Variants in FLYWCH2 observed in about 807,000 individuals in gnomAD.
FLYWCH2 encodes the protein FLYWCH family member 2.
FLYWCH2 carries 2 observed loss-of-function variants against 6.0 expected under a neutral mutation model. The observed-to-expected ratio is 0.33, with a 90% CI of 0.14 to 1.04. The LOEUF is 1.04. Among genes scored for constraint, FLYWCH2 ranks in the 50% least tolerant of loss-of-function variants. FLYWCH2 has a pLI of 0.45. For synonymous variants in FLYWCH2, 87 were observed against 79.3 expected (o/e 1.10, Z -0.52); for missense variants, 192 against 183.4 (o/e 1.05, Z -0.27).
Position 2,886,427 on chromosome 16 carries a change from C to T in FLYWCH2, c.-200+3061C>T, listed in dbSNP as rs542956768. On this transcript the variant is annotated intron_variant, in intron 1 of 3. Coordinates refer to ENST00000396958, the MANE Select transcript of FLYWCH2 (RefSeq NM_138439.3). ...TTCACTATGTTGTCTAGGCTGATCT[C>T]GAACTCCTGACCTCAGGTGATCCTC... Among the ~76,000 whole-genome samples the T allele has an allele frequency of 1.1e-4, 17 of 150,022 alleles. No homozygotes were observed. The East Asian group carries it at 1.7e-3, about 15-fold the overall frequency.
chr16:2,899,268 CT>C lies in FLYWCH2; in HGVS notation c.*136del, dbSNP rs76446842. On this transcript the variant is annotated 3_prime_UTR_variant, in exon 4 of 4. Coordinates refer to ENST00000396958, the MANE Select transcript of FLYWCH2 (RefSeq NM_138439.3). ...CTTTTAACATTGTGTGATTTCTTTT[CT>C]TTTTTTTTTTTTTTTTAGATCAAGT... The C allele has an allele frequency of 0.11, 44,284 of 416,064 alleles. 1 individual carries two copies. The highest frequency in any genetic ancestry group is 0.2 in the South Asian group (4,786 of 24,082). The allele number at this position is 416,064 out of a possible 1,614,324, so 25.8% of individuals were successfully genotyped here.
Position 2,896,594 on chromosome 16 carries a change from A to G in FLYWCH2, c.145A>G (p.Lys49Glu), listed in dbSNP as rs1408180666. The change falls in exon 3 of 4, where the codon AAA (lysine) becomes GAA (glutamate). Residue 49 changes from lysine (K) to glutamate (E), a missense_variant. Lys to Glu is a moderately conservative substitution (Grantham distance 56). Coordinates refer to ENST00000396958, the MANE Select transcript of FLYWCH2 (RefSeq NM_138439.3). The stretch of plus-strand genomic sequence containing the variant: ...CAAACTGGTCCTGCTCACAGCCTCC[A>G]AAGACAGCACCAAGGTGGCGGGGGC... ...FSKLVLLTASKDSTKVAGAKR... is the reference protein window; with the variant it reads ...FSKLVLLTASEDSTKVAGAKR... 6.2e-7 allele frequency: 1 copy of G among 1,614,016 alleles called. No homozygotes were observed. The highest frequency in any genetic ancestry group is 1.7e-5 in the Admixed American group (1 of 60,006).
intron 1 of FLYWCH2, among the ~76,000 whole-genome samples, chr16:2,886,935 C>T (rs2069705358): frequency 6.6e-6 from 1 of 151,984 alleles, no homozygotes; most frequent in African/African-American, 2.4e-5. Flanking sequence ...CATTTTTTCC[C>T]ATTCTATGGG....
chr16:2,899,269 T>TTC lies in FLYWCH2; in HGVS notation c.*121_*122insCT, dbSNP rs34090411. On this transcript the variant is annotated 3_prime_UTR_variant, in exon 4 of 4. Coordinates refer to ENST00000396958, the MANE Select transcript of FLYWCH2 (RefSeq NM_138439.3). ...TTTTAACATTGTGTGATTTCTTTTC[T>TTC]TTTTTTTTTTTTTTTTAGATCAAGT... 2.2e-5 allele frequency: 2 copies of TTC among 91,166 alleles called. No homozygotes were observed. The highest frequency in any genetic ancestry group is 3.7e-5 in the Non-Finnish European group (2 of 53,784). 5.6% of individuals were successfully genotyped at this position (91,166 alleles called of 1,614,324 possible).
At chr16:2,889,752 C>A (rs904935259) in intron 1 of FLYWCH2, among the ~76,000 whole-genome samples, 1 of 152,076 alleles carries the variant, frequency 6.6e-6, no homozygotes, top group Non-Finnish European at 1.5e-5. Flanking sequence ...CCCCCAGCTT[C>A]CCCTCATGTT....
Position 2,899,250 on chromosome 16 carries a change from C to A in FLYWCH2, c.*101C>A. ...CAAATGGGTGAATCTTTGCTTTTAA[C>A]ATTGTGTGATTTCTTTTCTTTTTTT... On this transcript the variant is annotated 3_prime_UTR_variant, in exon 4 of 4. Coordinates refer to ENST00000396958, the MANE Select transcript of FLYWCH2 (RefSeq NM_138439.3). 23 of 548,438 alleles carry A rather than the reference C, an allele frequency of 4.2e-5. No homozygotes were observed. Among genetic ancestry groups the A allele is most frequent in the Non-Finnish European group, 6.7e-5 (22 of 326,430 alleles). The allele number at this position is 548,438 out of a possible 1,614,324, so 34.0% of individuals were successfully genotyped here.
chr16:2,886,403 T>C (rs1158698780), intron 1 of FLYWCH2, among the ~76,000 whole-genome samples: 1 of 150,788 alleles, frequency 6.6e-6, no homozygotes. Flanking sequence ...AGACAGGGTT[T>C]CACTATGTTG....
intron 1 of FLYWCH2, among the ~76,000 whole-genome samples, chr16:2,884,100 C>T (rs2069670364): frequency 1.3e-5 from 2 of 152,162 alleles, no homozygotes; most frequent in Admixed American, 1.3e-4. Flanking sequence ...CTGCGTGGAG[C>T]AGTAATTATT....
chr16:2,891,656 T>TG (rs2150846962), intron 1 of FLYWCH2, among the ~76,000 whole-genome samples: 1 of 152,070 alleles, frequency 6.6e-6, no homozygotes, highest in East Asian at 2.0e-4. Context: ...CCACCCGCCT[T>TG]GCCTCCCAAA....
chr16:2,892,389 G>A (rs984815640), intron 1 of FLYWCH2, among the ~76,000 whole-genome samples: 7 of 152,052 alleles, frequency 4.6e-5, no homozygotes, highest in Admixed American at 1.3e-4. Flanking sequence ...CCAGCTACTT[G>A]TGAGTCTGAG....
intron 1 of FLYWCH2, among the ~76,000 whole-genome samples, chr16:2,894,428 G>A (rs1424500226): frequency 6.6e-6 from 1 of 152,162 alleles, no homozygotes; most frequent in Admixed American, 6.5e-5. Context: ...GAGATCGGCC[G>A]CCAGAGGGAC....
At chr16:2,893,239 C>G (rs114406003) in intron 1 of FLYWCH2, among the ~76,000 whole-genome samples, 3,075 of 152,202 alleles carry the variant, frequency 0.02, 105 homozygotes, top group African/African-American at 0.069. Flanking sequence ...AGGCCCTCTC[C>G]CTTTCCTGGA....
chr16:2,890,032 G>A (rs1217554488), intron 1 of FLYWCH2, among the ~76,000 whole-genome samples: 1 of 152,062 alleles, frequency 6.6e-6, no homozygotes, highest in Non-Finnish European at 1.5e-5. Flanking sequence ...GTTACAGTGA[G>A]CCATGGTTGT....
At chr16:2,885,585 G>A (rs1386504021) in intron 1 of FLYWCH2, among the ~76,000 whole-genome samples, 1 of 152,122 alleles carries the variant, frequency 6.6e-6, no homozygotes, top group Non-Finnish European at 1.5e-5. Flanking sequence ...TATAATATGT[G>A]GTCTTTTGGG....
chr16:2,884,577 A>AAAAAAAAAAAAAC (rs56399101), intron 1 of FLYWCH2, among the ~76,000 whole-genome samples: 1 of 140,254 alleles, frequency 7.1e-6, no homozygotes, highest in Non-Finnish European at 1.6e-5. Context: ...AAAAAAAAAA[A>AAAAAAAAAAAAAC]TACAAAAATT....
chr16:2,889,489 C>T (rs2069732604), intron 1 of FLYWCH2, among the ~76,000 whole-genome samples: 3 of 151,362 alleles, frequency 2.0e-5, no homozygotes, highest in Non-Finnish European at 2.9e-5. Context: ...GGATTAGAGG[C>T]GTGAGCCACT....
At chr16:2,888,502 A>G (rs1378847024) in intron 1 of FLYWCH2, among the ~76,000 whole-genome samples, 1 of 142,028 alleles carries the variant, frequency 7.0e-6, no homozygotes, top group Admixed American at 7.1e-5. Context: ...AAAAAAAAAA[A>G]AGCCAGCTGG....
chr16:2,888,100 C>T (rs1184303216), intron 1 of FLYWCH2, among the ~76,000 whole-genome samples: 1 of 152,010 alleles, frequency 6.6e-6, no homozygotes, highest in Non-Finnish European at 1.5e-5. Context: ...CCTCCGCCTC[C>T]CGGGTTCTAG....
At chr16:2,888,095 G>A (rs934067433) in intron 1 of FLYWCH2, among the ~76,000 whole-genome samples, 1 of 151,872 alleles carries the variant, frequency 6.6e-6, no homozygotes, top group South Asian at 2.1e-4. Flanking sequence ...TGCAACCTCC[G>A]CCTCCCGGGT....
Sources: allele counts gnomAD v4.1 joint callset (sites outside exome capture counted in the v4.1 genomes callset), GRCh38; gene constraint gnomAD v4.1.1; transcripts MANE v1.5; gene names NCBI Gene and HGNC (gene_info 2026-07-23, HGNC 2026-07-21).